The following KPNA7 variants were observed in gnomAD, a reference collection of about 807,000 sequenced individuals.
KPNA7 encodes importin subunit alpha-8.
In KPNA7, 54 loss-of-function variants were observed where a neutral mutation model predicts 53.7. That is an observed-to-expected ratio of 1.01 (90% confidence interval 0.81 to 1.26). The LOEUF is 1.26. Ranked by LOEUF, KPNA7 falls within the 50% of genes most tolerant of loss-of-function variation. KPNA7 has a pLI of 0.00. For synonymous variants in KPNA7, 276 were observed against 259.3 expected, an observed-to-expected ratio of 1.06 and a Z score of -0.62; for missense variants, 640 against 644.5, an observed-to-expected ratio of 0.99 and a Z score of 0.07.
chr7:99,178,634 T>G (rs1242542340), intron 9 of KPNA7, among the ~76,000 whole-genome samples: 1 of 151,888 alleles, frequency 6.6e-6, no homozygotes, highest in African/African-American at 2.4e-5. Flanking sequence ...GTTAACATTT[T>G]GTGTAGAGAC....
At chr7:99,154,987 C>G in the KPNA7 span, among the ~76,000 whole-genome samples, 2 of 152,072 alleles carry the variant, frequency 1.3e-5, no homozygotes, top group African/African-American at 4.8e-5. Context: ...GAATTATTTT[C>G]TATACCTATA....
In KPNA7 at chr7:99,195,263, C is replaced by T. The variant is rs367610693; in HGVS notation, c.360G>A (p.Glu120=). Residue 120 remains glutamate, a synonymous_variant, in exon 5 of 11, where the codon GAG becomes GAA. Transcript: ENST00000327442. The part of the protein sequence containing the change: ...IEAGLIPRMV[E]FLKSSLYPCL... Reference sequence around the variant, plus strand: ...AGGGGTAAAGTGATGACTTCAGGAACTCCACCATCCTGGGAATGAGGCCCG... The same window carrying T: ...AGGGGTAAAGTGATGACTTCAGGAATTCCACCATCCTGGGAATGAGGCCCG... The T allele has an allele frequency of 2.4e-4, 370 of 1,551,646 alleles. 1 individual carries two copies. The African/African-American group carries it at 4.8e-3, about 20-fold the overall frequency.
the KPNA7 span, among the ~76,000 whole-genome samples, chr7:99,161,766 T>A: frequency 1.3e-5 from 2 of 152,120 alleles, no homozygotes; most frequent in Admixed American, 6.6e-5. Flanking sequence ...CCCCTTCTTT[T>A]ACAGATGAAA....
intron 10 of KPNA7, among the ~76,000 whole-genome samples, chr7:99,174,592 T>C (rs1242158742): frequency 6.6e-6 from 1 of 152,152 alleles, no homozygotes; most frequent in Non-Finnish European, 1.5e-5. Flanking sequence ...CTCTACAGAT[T>C]TGATGACTGC....
At chr7:99,200,916 C>T (rs1338005008) in intron 3 of KPNA7, among the ~76,000 whole-genome samples, 1 of 151,980 alleles carries the variant, frequency 6.6e-6, no homozygotes, top group Non-Finnish European at 1.5e-5. Context: ...TGCAGTGAGC[C>T]GAGATTGTGC....
chr7:99,210,239 G>A (rs930605401), upstream of KPNA7, among the ~76,000 whole-genome samples: 3 of 152,114 alleles, frequency 2.0e-5, no homozygotes, highest in African/African-American at 4.8e-5. Context: ...TAGCTGCTCT[G>A]CCCAGGATCT....
chr7:99,186,811 C>G (rs545904047), intron 7 of KPNA7, among the ~76,000 whole-genome samples: 8 of 151,992 alleles, frequency 5.3e-5, no homozygotes, highest in South Asian at 2.1e-4. Context: ...AGCACTATCC[C>G]GAAACCAACT....
intron 2 of KPNA7, among the ~76,000 whole-genome samples, chr7:99,204,853 A>G (rs1454245753): frequency 1.3e-5 from 2 of 151,898 alleles, no homozygotes. Flanking sequence ...AAGACCGTGT[A>G]TCAAATAATA....
At chr7:99,151,358 C>T in the KPNA7 span, among the ~76,000 whole-genome samples, 1 of 152,036 alleles carries the variant, frequency 6.6e-6, no homozygotes, top group African/African-American at 2.4e-5. Context: ...CTAGAAAGCA[C>T]AATTTTGTTA....
At chr7:99,169,012 A>T (rs1798723275), downstream of KPNA7, among the ~76,000 whole-genome samples, 1 of 151,886 alleles carries the variant, frequency 6.6e-6, no homozygotes, top group South Asian at 2.1e-4. Context: ...ACATGGTGAA[A>T]CCCCATCTCT....
At chr7:99,151,153 A>C in the KPNA7 span, among the ~76,000 whole-genome samples, 1 of 152,080 alleles carries the variant, frequency 6.6e-6, no homozygotes, top group Admixed American at 6.6e-5. Context: ...AAGGAGAGAG[A>C]TCTCCAATCC....
chr7:99,195,479 G>A (rs1046060011), intron 4 of KPNA7, 141 bp from the exon 5 acceptor site: 41 of 719,080 alleles, frequency 5.7e-5, no homozygotes, highest in Middle Eastern at 3.8e-4. Flanking sequence ...ACTTGAGGTC[G>A]CAAGGTCAGG....
the KPNA7 span, among the ~76,000 whole-genome samples, chr7:99,149,833 C>T: frequency 1.1e-3 from 170 of 152,314 alleles, 1 homozygote; most frequent in Non-Finnish European, 1.9e-3. Context: ...GACACCCAGG[C>T]TGGAGTATAG....
At chr7:99,216,761 C>T in intron 1 of KPNA7, among the ~76,000 whole-genome samples, 1 of 152,120 alleles carries the variant, frequency 6.6e-6, no homozygotes, top group Non-Finnish European at 1.5e-5. Flanking sequence ...AGGGTTTCAC[C>T]ATGTTGGCCA....
chr7:99,147,947 C>T, the KPNA7 span, among the ~76,000 whole-genome samples: 7 of 151,306 alleles, frequency 4.6e-5, no homozygotes, highest in South Asian at 4.2e-4. Flanking sequence ...AGCCCAGTAG[C>T]GCAAGGCTGC....
intron 3 of KPNA7, among the ~76,000 whole-genome samples, chr7:99,199,852 A>C (rs1202953912): frequency 6.6e-6 from 1 of 152,204 alleles, no homozygotes; most frequent in Non-Finnish European, 1.5e-5. Context: ...TAATATCTAG[A>C]ATATATAAAG....
chr7:99,156,873 C>G, the KPNA7 span, among the ~76,000 whole-genome samples: 14 of 152,092 alleles, frequency 9.2e-5, no homozygotes, highest in African/African-American at 3.4e-4. Context: ...ATGTCTTTCC[C>G]TATATTTTCT....
chr7:99,197,625 A>T (rs1363111292), intron 3 of KPNA7, among the ~76,000 whole-genome samples: 1 of 152,238 alleles, frequency 6.6e-6, no homozygotes, highest in Non-Finnish European at 1.5e-5. Flanking sequence ...CAGTGAACAG[A>T]TATCAGTTAT....
chr7:99,178,814 G>A (rs1001636759), intron 9 of KPNA7, among the ~76,000 whole-genome samples: 6 of 119,876 alleles, frequency 5.0e-5, no homozygotes, highest in South Asian at 2.9e-4. Flanking sequence ...AAAGAGTCTC[G>A]CTCTATCGCC....
Sources: allele counts gnomAD v4.1 joint callset (sites outside exome capture counted in the v4.1 genomes callset), GRCh38; gene constraint gnomAD v4.1.1; transcripts MANE v1.5; gene names NCBI Gene and HGNC (gene_info 2026-07-23, HGNC 2026-07-21).